HS3ST4: variants seen among roughly 807,000 people sequenced by gnomAD.
The protein encoded by HS3ST4 is heparan sulfate glucosamine 3-O-sulfotransferase 4.
A neutral mutation model predicts 29.2 loss-of-function variants in HS3ST4; 17 were observed. The ratio of observed to expected loss-of-function variants is 0.58; its 90% CI spans 0.40 to 0.87. HS3ST4 has a LOEUF of 0.87. HS3ST4 is among the 40% of genes least tolerant of loss of function. The probability of loss-of-function intolerance (pLI) is 0.00; values close to 1 mark genes in which losing one functional copy is unlikely to be tolerated. For synonymous variants in HS3ST4, 314 were observed against 285.7 expected, an observed-to-expected ratio of 1.10 and a Z score of -1.00; for missense variants, 627 against 634.5, an observed-to-expected ratio of 0.99 and a Z score of 0.13.
intron 1 of HS3ST4, among the ~76,000 whole-genome samples, chr16:25,917,871 G>A (rs527303337): frequency 1.6e-4 from 24 of 152,186 alleles, no homozygotes; most frequent in African/African-American, 5.5e-4. Flanking sequence ...AACTTCAGAC[G>A]CCTTTCAAAA....
At chr16:25,719,814 T>C (rs1305106152) in intron 1 of HS3ST4, among the ~76,000 whole-genome samples, 1 of 152,234 alleles carries the variant, frequency 6.6e-6, no homozygotes, top group Non-Finnish European at 1.5e-5. Flanking sequence ...ATCACATTCA[T>C]TTATCATATT....
At chr16:25,918,031 G>C (rs1437278597) in intron 1 of HS3ST4, among the ~76,000 whole-genome samples, 2 of 152,118 alleles carry the variant, frequency 1.3e-5, no homozygotes, top group Non-Finnish European at 2.9e-5. Context: ...AGGGTGGGGG[G>C]GAGCATCGTC....
intron 1 of HS3ST4, among the ~76,000 whole-genome samples, chr16:25,741,706 T>C (rs983395733): frequency 2.1e-4 from 32 of 152,100 alleles, no homozygotes; most frequent in African/African-American, 7.5e-4. Flanking sequence ...TGCTCTTGAG[T>C]TTATGCTGTA....
chr16:25,821,057 A>ATTTTTTT (rs1259738012), intron 1 of HS3ST4, among the ~76,000 whole-genome samples: 16 of 135,050 alleles, frequency 1.2e-4, no homozygotes, highest in African/African-American at 4.1e-4. Context: ...GCGCCTTTGA[A>ATTTTTTT]TTTTTTTTTT....
chr16:25,776,663 C>T (rs953417221), intron 1 of HS3ST4, among the ~76,000 whole-genome samples: 9 of 152,176 alleles, frequency 5.9e-5, no homozygotes, highest in East Asian at 3.9e-4. Flanking sequence ...TCATGCCTAC[C>T]GGAGAAAAAA....
intron 1 of HS3ST4, among the ~76,000 whole-genome samples, chr16:25,827,286 C>G (rs1967227804): frequency 6.6e-6 from 1 of 152,090 alleles, no homozygotes; most frequent in African/African-American, 2.4e-5. Flanking sequence ...GGGATCAGCT[C>G]CATAATAGTG....
intron 1 of HS3ST4, among the ~76,000 whole-genome samples, chr16:25,812,230 G>A (rs12103080): frequency 0.3 from 45,641 of 151,990 alleles, 7,342 homozygotes; most frequent in African/African-American, 0.39. Flanking sequence ...CTACGGGACA[G>A]GGAATACATA....
chr16:25,999,195 A>T (rs541138035), intron 1 of HS3ST4, among the ~76,000 whole-genome samples: 1 of 152,278 alleles, frequency 6.6e-6, no homozygotes, highest in African/African-American at 2.4e-5. Context: ...TAGGCAGGTG[A>T]GGCAGGTTGT....
intron 1 of HS3ST4, among the ~76,000 whole-genome samples, chr16:25,918,958 T>C (rs1231364991): frequency 1.3e-5 from 2 of 152,202 alleles, no homozygotes; most frequent in Non-Finnish European, 2.9e-5. Flanking sequence ...AATAGGAGCT[T>C]TGTGTTAACA....
At chr16:26,079,786 GTC>G (rs1898704135) in intron 1 of HS3ST4, among the ~76,000 whole-genome samples, 1 of 152,196 alleles carries the variant, frequency 6.6e-6, no homozygotes, top group African/African-American at 2.4e-5. Context: ...TCTGCCACCT[GTC>G]TCTGTTCTCG....
chr16:25,914,141 A>C (rs1968268494), intron 1 of HS3ST4, among the ~76,000 whole-genome samples: 1 of 134,190 alleles, frequency 7.5e-6, no homozygotes, highest in Non-Finnish European at 1.6e-5. Context: ...TGGTGTTTGT[A>C]TGTGTTGTGA....
chr16:26,064,394 T>C (rs1035994201), intron 1 of HS3ST4, among the ~76,000 whole-genome samples: 5 of 152,160 alleles, frequency 3.3e-5, no homozygotes, highest in Admixed American at 1.3e-4. Context: ...GGGTAGACCA[T>C]GAGCAAAGGC....
chr16:25,828,300 CCCT>C (rs1967253123), intron 1 of HS3ST4, among the ~76,000 whole-genome samples: 144 of 56,754 alleles, frequency 2.5e-3, no homozygotes, highest in Middle Eastern at 7.8e-3. Flanking sequence ...TTCTTTCTTT[CCCT>C]CTCTCTCTCT....
intron 1 of HS3ST4, among the ~76,000 whole-genome samples, chr16:25,905,595 C>T (rs192195945): frequency 1.1e-4 from 17 of 152,204 alleles, no homozygotes; most frequent in Non-Finnish European, 2.1e-4. Flanking sequence ...GGCATGAAGG[C>T]TCGTGAAAGA....
At position 25,957,708 on chromosome 16, in the gene HS3ST4, C is replaced by T. The variant is rs917111590; in HGVS notation, c.735-177904C>T. ...TACTGGCATTACAGGTGTAAGCCAC[C>T]GCACCCAGCCCTTCATAGCTCTCTT... On this transcript the variant is annotated intron_variant, in intron 1 of 1. Transcript: ENST00000331351. Among the ~76,000 whole-genome samples the T allele has an allele frequency of 4.6e-5, 7 of 152,228 alleles. 1 individual carries two copies. The highest frequency in any genetic ancestry group is 1.9e-4 in the East Asian group (1 of 5,170).
At chr16:25,726,008 A>T (rs1381578699) in intron 1 of HS3ST4, among the ~76,000 whole-genome samples, 4 of 152,214 alleles carry the variant, frequency 2.6e-5, no homozygotes, top group Non-Finnish European at 5.9e-5. Flanking sequence ...TTAGAAAAAA[A>T]GTTTCACAAA....
chr16:26,111,402 T>G (rs1352672226), intron 1 of HS3ST4, among the ~76,000 whole-genome samples: 2 of 152,050 alleles, frequency 1.3e-5, no homozygotes, highest in African/African-American at 4.8e-5. Flanking sequence ...TTTTTTTTTT[T>G]TTCATTTTCA....
chr16:26,113,549 A>C (rs2141805078), intron 1 of HS3ST4, among the ~76,000 whole-genome samples: 1 of 151,274 alleles, frequency 6.6e-6, no homozygotes, highest in South Asian at 2.1e-4. Flanking sequence ...GGAAAGCAAT[A>C]TTTTAGTCTC....
intron 1 of HS3ST4, among the ~76,000 whole-genome samples, chr16:25,717,510 G>GGTGTGTGTGTGTGTGT (rs763190199): frequency 7.5e-6 from 1 of 132,830 alleles, no homozygotes; most frequent in Non-Finnish European, 1.6e-5. Context: ...AAGGTGAAGG[G>GGTGTGTGTGTGTGTGT]GTGTGTGTGT....
Sources: allele counts gnomAD v4.1 joint callset (sites outside exome capture counted in the v4.1 genomes callset), GRCh38; gene constraint gnomAD v4.1.1; transcripts MANE v1.5; gene names NCBI Gene and HGNC (gene_info 2026-07-23, HGNC 2026-07-21).